The following ZNF573 variants were observed in gnomAD, a reference collection of about 807,000 sequenced individuals.
ZNF573 encodes zinc finger protein 573.
ZNF573 carries 41 observed loss-of-function variants against 57.4 expected under a neutral mutation model. That is an observed-to-expected ratio of 0.71 (90% CI 0.56 to 0.93). The LOEUF (loss-of-function observed/expected upper bound fraction) is 0.93, where lower values mean the gene tolerates loss of function less well. Among genes scored for constraint, ZNF573 ranks in the 40% least tolerant of loss-of-function variants. The probability of loss-of-function intolerance (pLI) is 0.00; values close to 1 mark genes in which losing one functional copy is unlikely to be tolerated. For synonymous variants in ZNF573, 249 were observed against 261.0 expected (o/e 0.95, Z 0.44); for missense variants, 730 against 794.8 (o/e 0.92, Z 0.98).
chr19:37,762,020 A>T (rs776439730), intron 4 of ZNF573, among the ~76,000 whole-genome samples: 8 of 152,246 alleles, frequency 5.3e-5, no homozygotes, highest in Non-Finnish European at 1.0e-4. Flanking sequence ...TAAGGCACAA[A>T]TTCTTATTTC....
chr19:37,770,301 G>C (rs781503104), intron 3 of ZNF573: 11 of 441,566 alleles, frequency 2.5e-5, no homozygotes, highest in Non-Finnish European at 4.4e-5. Flanking sequence ...TTTAACCTGT[G>C]ACCTTATAAA....
At chr19:37,747,377 T>A (rs1453586556) in intron 4 of ZNF573, among the ~76,000 whole-genome samples, 4 of 111,970 alleles carry the variant, frequency 3.6e-5, no homozygotes, top group African/African-American at 7.0e-5. Context: ...AGTAATGTAA[T>A]ATTTGATTCT....
chr19:37,738,601 C>A lies in ZNF573; in HGVS notation c.1889G>T (p.Arg630Ile). ...ATAGGGTTTCTCACCAGTATGAATT[C>A]TCTCATGTTGAACAAGGTTTGAAGC... ...SRASNLVQHE[R>I]IHTGEKPYVC... The change falls in exon 5 of 5, where the codon AGA becomes ATA. Residue 630 changes from arginine (R) to isoleucine (I), a missense_variant. Transcript: ENST00000536220. The A allele has an allele frequency of 6.2e-7, 1 of 1,610,686 alleles. No homozygotes were observed. The highest frequency in any genetic ancestry group is 1.3e-5 in the African/African-American group (1 of 74,872).
chr19:37,767,490 C>A (rs991630114), intron 4 of ZNF573, among the ~76,000 whole-genome samples: 1 of 152,150 alleles, frequency 6.6e-6, no homozygotes, highest in African/African-American at 2.4e-5. Context: ...GCCTCGGCCT[C>A]CCAAAGTGCT....
In ZNF573 at chr19:37,744,048, G is replaced by A. The variant is rs372394483; in HGVS notation, c.296-3854C>T. Among the ~76,000 whole-genome samples, 6 of 151,786 alleles carry A rather than the reference G, an allele frequency of 4.0e-5. No individual in the cohort carries two copies. In the South Asian group the frequency reaches 8.3e-4, roughly 21 times the overall value. On this transcript the variant is annotated intron_variant, in intron 4 of 4. Transcript: ENST00000536220. ...GTCAAAAGATGCAGCAAACCACCAC[G>A]GCACACGTATACCTATGTAACAAAC...
intron 4 of ZNF573, among the ~76,000 whole-genome samples, chr19:37,760,629 C>T (rs910300247): frequency 1.3e-5 from 2 of 150,768 alleles, no homozygotes; most frequent in Non-Finnish European, 3.0e-5. Context: ...CGAGACCAGC[C>T]TGACCAACAT....
At chr19:37,744,431 A>G (rs1279377585) in intron 4 of ZNF573, among the ~76,000 whole-genome samples, 1 of 152,092 alleles carries the variant, frequency 6.6e-6, no homozygotes, top group African/African-American at 2.4e-5. Context: ...AGTCATCAGC[A>G]GTTAAACATC....
At chr19:37,755,856 T>C (rs926622485) in intron 4 of ZNF573, among the ~76,000 whole-genome samples, 1 of 144,980 alleles carries the variant, frequency 6.9e-6, no homozygotes, top group Admixed American at 6.8e-5. Context: ...AAAAGTTAAA[T>C]GAGGCAATGC....
At chr19:37,749,284 A>G (rs2045411647) in intron 4 of ZNF573, among the ~76,000 whole-genome samples, 1 of 151,736 alleles carries the variant, frequency 6.6e-6, no homozygotes, top group Non-Finnish European at 1.5e-5. Context: ...TATATATTAT[A>G]CATTATACAC....
chr19:37,757,737 G>A (rs2045503417), intron 4 of ZNF573, among the ~76,000 whole-genome samples: 1 of 152,092 alleles, frequency 6.6e-6, no homozygotes, highest in Non-Finnish European at 1.5e-5. Flanking sequence ...AAAGACACAT[G>A]CACATGTATG....
At chr19:37,747,535 C>CG in intron 4 of ZNF573, among the ~76,000 whole-genome samples, 2 of 152,076 alleles carry the variant, frequency 1.3e-5, no homozygotes, top group Non-Finnish European at 2.9e-5. Context: ...GTGGGCTAGA[C>CG]TTAACAAGTT....
chr19:37,756,739 G>A (rs914167658), intron 4 of ZNF573, among the ~76,000 whole-genome samples: 3 of 151,758 alleles, frequency 2.0e-5, no homozygotes, highest in Non-Finnish European at 2.9e-5. Flanking sequence ...CCCTAAATAC[G>A]TTTGTTCAAA....
At chr19:37,775,193 A>T (rs978897852) in intron 1 of ZNF573, among the ~76,000 whole-genome samples, 3 of 151,738 alleles carry the variant, frequency 2.0e-5, no homozygotes, top group African/African-American at 4.8e-5. Context: ...ATTTAAAAAA[A>T]TTTTTTTAGA....
intron 1 of ZNF573, among the ~76,000 whole-genome samples, chr19:37,775,375 A>C (rs189359153): frequency 2.6e-5 from 4 of 152,284 alleles, no homozygotes; most frequent in African/African-American, 9.6e-5. Context: ...AAAAGCTTAC[A>C]GAATATATTC....
intron 4 of ZNF573, among the ~76,000 whole-genome samples, chr19:37,764,669 T>C (rs1480473075): frequency 1.3e-5 from 2 of 151,208 alleles, no homozygotes; most frequent in Admixed American, 1.3e-4. Context: ...AGTGGTGCTA[T>C]CTTGGCTCAC....
At chr19:37,745,401 G>C (rs375825669) in intron 4 of ZNF573, among the ~76,000 whole-genome samples, 1 of 151,382 alleles carries the variant, frequency 6.6e-6, no homozygotes, top group East Asian at 2.0e-4. Context: ...AATTTTTTTG[G>C]GGGGTGGGGG....
intron 1 of ZNF573, among the ~76,000 whole-genome samples, chr19:37,776,236 A>C (rs550389147): frequency 7.2e-5 from 11 of 152,224 alleles, no homozygotes; most frequent in Non-Finnish European, 1.5e-4. Flanking sequence ...TTCAAACTAT[A>C]CTACAAGACA....
chr19:37,743,535 T>C (rs2045348293), intron 4 of ZNF573, among the ~76,000 whole-genome samples: 2 of 152,170 alleles, frequency 1.3e-5, no homozygotes, highest in Admixed American at 1.3e-4. Context: ...TTTTATACTG[T>C]TGGTGGGAAT....
intron 4 of ZNF573, among the ~76,000 whole-genome samples, chr19:37,746,799 G>C (rs1245306099): frequency 1.3e-5 from 2 of 152,150 alleles, no homozygotes; most frequent in African/African-American, 4.8e-5. Context: ...GGCCAGGCTG[G>C]TCTTAAAAAC....
Sources: gnomAD v4.1 joint callset for allele counts (sites outside exome capture counted in the v4.1 genomes callset) on GRCh38, gnomAD v4.1.1 for gene constraint, MANE v1.5 for transcripts, NCBI Gene and HGNC (gene_info 2026-07-23, HGNC 2026-07-21) for gene names.